The following FAM184B variants were observed in gnomAD, a reference collection of about 807,000 sequenced individuals.
The protein encoded by FAM184B is family with sequence similarity 184 member B, also known as protein FAM184B.
In FAM184B, 111 loss-of-function variants were observed where a neutral mutation model predicts 135.9. The ratio of observed to expected loss-of-function variants is 0.82; its 90% CI spans 0.70 to 0.96. The LOEUF is 0.96. Ranked by LOEUF, FAM184B falls within the 40% of genes least tolerant of loss-of-function variation. The probability of loss-of-function intolerance (pLI) is 0.00; values close to 1 mark genes in which losing one functional copy is unlikely to be tolerated. For missense variants in FAM184B, 1,375 were observed against 1,323.9 expected (o/e 1.04, Z -0.60); for synonymous variants, 552 against 524.8 (o/e 1.05, Z -0.71).
Position 17,639,238 on chromosome 4 carries a change from GGCCTCACT to G in FAM184B, c.2666+4_2666+11del, listed in dbSNP as rs1341522746. The G allele has an allele frequency of 5.9e-5, 91 of 1,551,292 alleles. No individual in the cohort carries two copies. Among genetic ancestry groups the G allele is most frequent in the Non-Finnish European group, 7.9e-5 (91 of 1,146,878 alleles). On this transcript the variant is annotated splice_donor_5th_base_variant and intron_variant, in intron 14 of 17. Transcript: ENST00000265018. ...TTGCAAGACCCTCCCTGGGGCCCGA[GGCCTCACT>G]TACTCGGCTTCCAGGGCAGCCAGCC...
At chr4:17,700,613 T>C (rs1028395635) in intron 5 of FAM184B, among the ~76,000 whole-genome samples, 1 of 152,148 alleles carries the variant, frequency 6.6e-6, no homozygotes, top group Admixed American at 6.5e-5. Flanking sequence ...AAGGACATAA[T>C]AGACTTGAAC....
rs188441461 is a variant in FAM184B, at chr4:17,631,540, A to C, written c.*992T>G. On this transcript the variant is annotated 3_prime_UTR_variant, in exon 18 of 18. Coordinates refer to ENST00000265018, the MANE Select transcript of FAM184B (RefSeq NM_015688.2). ...ATCATGTTGGCACTATGGTCATTAC[A>C]CTGAGACCTATAACTGGGCTAGGAT... 2.0e-5 allele frequency: 3 copies of C among 152,348 alleles called. No homozygotes were observed. The East Asian group carries it at 5.8e-4, about 29-fold the overall frequency. The allele number at this position is 152,348 out of a possible 1,614,324, so 9.4% of individuals were successfully genotyped here. A position where few individuals can be genotyped will look rare whatever the true frequency, so the allele number is the denominator to read the frequency against.
chr4:17,761,583 G>A (rs1369483080), intron 1 of FAM184B, among the ~76,000 whole-genome samples: 2 of 152,216 alleles, frequency 1.3e-5, no homozygotes, highest in East Asian at 3.8e-4. Context: ...CTAGAGTGCA[G>A]TGGCACGATC....
At chr4:17,675,941 T>C (rs1328825849) in intron 7 of FAM184B, among the ~76,000 whole-genome samples, 1 of 152,192 alleles carries the variant, frequency 6.6e-6, no homozygotes. Flanking sequence ...ACTAAAACTT[T>C]CTCCATATCA....
chr4:17,641,349 G>A (rs1163888417), intron 13 of FAM184B, among the ~76,000 whole-genome samples: 1 of 151,890 alleles, frequency 6.6e-6, no homozygotes, highest in Non-Finnish European at 1.5e-5. Context: ...ACACCGCATG[G>A]TCTGAACTAT....
At chr4:17,675,983 A>G (rs759597393) in intron 7 of FAM184B, among the ~76,000 whole-genome samples, 1 of 152,176 alleles carries the variant, frequency 6.6e-6, no homozygotes, top group Non-Finnish European at 1.5e-5. Context: ...CTTATTACTC[A>G]TGTGTCACTG....
At chr4:17,666,469 CTTTTTTTTTTTT>C (rs386399397) in intron 7 of FAM184B, among the ~76,000 whole-genome samples, 1 of 57,162 alleles carries the variant, frequency 1.7e-5, no homozygotes, top group African/African-American at 7.2e-5. Context: ...GTGCCTGGTT[CTTTTTTTTTTTT>C]TTTTTTTTTT....
chr4:17,669,998 C>T (rs1716134301), intron 7 of FAM184B, among the ~76,000 whole-genome samples: 1 of 151,952 alleles, frequency 6.6e-6, no homozygotes, highest in Non-Finnish European at 1.5e-5. Flanking sequence ...TAAAATTGAC[C>T]CTGAATTGGT....
intron 1 of FAM184B, among the ~76,000 whole-genome samples, chr4:17,763,073 G>A (rs1718581467): frequency 6.6e-6 from 1 of 152,160 alleles, no homozygotes; most frequent in Non-Finnish European, 1.5e-5. Flanking sequence ...TCAATGGGAT[G>A]TTCATTTCTT....
chr4:17,733,462 G>C (rs1298455992), intron 1 of FAM184B, among the ~76,000 whole-genome samples: 4 of 152,194 alleles, frequency 2.6e-5, no homozygotes, highest in Non-Finnish European at 4.4e-5. Context: ...ATCTCCTTAA[G>C]CTGATAAGCA....
chr4:17,766,442 A>G (rs6814331), intron 1 of FAM184B, among the ~76,000 whole-genome samples: 6,898 of 152,260 alleles, frequency 0.045, 505 homozygotes, highest in African/African-American at 0.16. Flanking sequence ...AGTCCCCACT[A>G]GATAAGCTAG....
Position 17,709,165 on chromosome 4 carries a change from G to T in FAM184B, c.621C>A (p.Asn207Lys). Residue 207 changes from asparagine (N) to lysine (K), a missense_variant, in exon 2 of 18, where the codon AAC (asparagine) becomes AAA (lysine). Asn to Lys is a moderately conservative substitution (Grantham distance 94). Transcript: ENST00000265018. ...LLEVQRLRVE[N>K]QQLSKDYARK... ...GGGCGTAGTCCTTGCTCAGCTGCTGGTTCTCCACTCGCAGCCGCTGCACCT... is the reference window on the plus strand; with the variant it reads ...GGGCGTAGTCCTTGCTCAGCTGCTGTTTCTCCACTCGCAGCCGCTGCACCT... The T allele has an allele frequency of 6.5e-7, 1 of 1,548,272 alleles. No homozygotes were observed.
At position 17,781,034 on chromosome 4, in the gene FAM184B, G is replaced by T. The variant is rs916722996; in HGVS notation, c.141+125C>A. On this transcript the variant is annotated intron_variant, in intron 1 of 17. Coordinates refer to ENST00000265018, the MANE Select transcript of FAM184B (RefSeq NM_015688.2). This position sits in a 1 kb window ranked among gnomAD's most constrained non-coding sequence, Gnocchi z 6.5. ...AGATTTAGGACCGCTTCCCTTCCCGGTTGGCCTCCGAGACAAAGTTTCTGT... is the reference window on the plus strand; with the variant it reads ...AGATTTAGGACCGCTTCCCTTCCCGTTTGGCCTCCGAGACAAAGTTTCTGT... 8.1e-7 allele frequency: 1 copy of T among 1,231,412 alleles called. No individual in the cohort carries two copies. The highest frequency in any genetic ancestry group is 1.1e-6 in the Non-Finnish European group (1 of 916,308). 76.3% of individuals were successfully genotyped at this position (1,231,412 alleles called of 1,614,324 possible).
Position 17,629,813 on chromosome 4 carries a change from GTGT to G in FAM184B, c.*2716_*2718del, listed in dbSNP as rs1176919549. Reference sequence around the variant, plus strand: ...ATCAAATTGTATTTCTTTGTCAATAGTGTTAGGGCACAGTAGGTTCATTTACTG... The same window carrying G: ...ATCAAATTGTATTTCTTTGTCAATAGTAGGGCACAGTAGGTTCATTTACTG... On this transcript the variant is annotated 3_prime_UTR_variant, in exon 18 of 18. Transcript: ENST00000265018. 6.6e-6 allele frequency: 1 copy of G among 152,188 alleles called. No individual in the cohort carries two copies. Among genetic ancestry groups the G allele is most frequent in the Non-Finnish European group, 1.5e-5 (1 of 68,026 alleles). The allele number at this position is 152,188 out of a possible 1,614,324, so 9.4% of individuals were successfully genotyped here.
chr4:17,676,337 G>A (rs979255068), intron 7 of FAM184B, among the ~76,000 whole-genome samples: 2 of 152,086 alleles, frequency 1.3e-5, no homozygotes, highest in Non-Finnish European at 2.9e-5. Context: ...TCTTCTACGG[G>A]CATGGTTTGT....
In FAM184B at chr4:17,633,879, CCTT is replaced by C. The variant is rs1560162314; in HGVS notation, c.2896_2898del (p.Lys966del). ...ACCACGCGGCTGGGCACGTCCTCCA[CCTT>C]CTTTTTCTGTTTGTATTAATGGACA... is the stretch of plus-strand genomic sequence containing the variant. On this transcript the variant is annotated inframe_deletion, in exon 17 of 18. Transcript: ENST00000265018. 13 of 1,547,768 alleles carry C rather than the reference CCTT, an allele frequency of 8.4e-6. No individual in the cohort carries two copies. The highest frequency in any genetic ancestry group is 6.0e-5 in the South Asian group (5 of 83,606).
chr4:17,759,114 A>G (rs576879819), intron 1 of FAM184B, among the ~76,000 whole-genome samples: 1 of 152,300 alleles, frequency 6.6e-6, no homozygotes, highest in African/African-American at 2.4e-5. Flanking sequence ...GTAGAGTTAG[A>G]AGCCCAGTGC....
At chr4:17,772,856 G>T (rs1718848976) in intron 1 of FAM184B, among the ~76,000 whole-genome samples, 1 of 152,194 alleles carries the variant, frequency 6.6e-6, no homozygotes, top group African/African-American at 2.4e-5. Context: ...CTGTAAAATT[G>T]ATGTGTAGAA....
At position 17,642,309 on chromosome 4, in the gene FAM184B, G is replaced by T. The variant is rs535472067; in HGVS notation, c.2347-81C>A. 6.5e-5 allele frequency: 90 copies of T among 1,386,368 alleles called. No homozygotes were observed. In the African/African-American group the frequency reaches 1.2e-3, roughly 19 times the overall value. The allele number at this position is 1,386,368 out of a possible 1,614,324, so 85.9% of individuals were successfully genotyped here. ...GAAAGGGCCAGAGATGTGCTGCGGC[G>T]AGATGGAGACCCACTGGCACCCCGC... is the stretch of plus-strand genomic sequence containing the variant. On this transcript the variant is annotated intron_variant, in intron 12 of 17. Transcript: ENST00000265018.
Sources: gnomAD v4.1 joint callset for allele counts (sites outside exome capture counted in the v4.1 genomes callset) on GRCh38, gnomAD v4.1.1 for gene constraint, Gnocchi (gnomAD v3.1) non-coding constraint, MANE v1.5 for transcripts, NCBI Gene and HGNC (gene_info 2026-07-23, HGNC 2026-07-21) for gene names.